Variants in MTERF4 observed in about 807,000 individuals in gnomAD.
MTERF4 encodes the protein mitochondrial transcription termination factor 4.
MTERF4 carries 17 observed loss-of-function variants against 22.5 expected under a neutral mutation model. The ratio of observed to expected loss-of-function variants is 0.75; its 90% CI spans 0.52 to 1.13. MTERF4 has a LOEUF of 1.13. Among genes scored for constraint, MTERF4 ranks in the 50% most tolerant of loss-of-function variants. The pLI, the probability that MTERF4 is intolerant of heterozygous loss-of-function variation, is 0.00. For missense variants in MTERF4, 420 were observed against 466.8 expected, an observed-to-expected ratio of 0.90 and a Z score of 0.92; for synonymous variants, 165 against 175.3, an observed-to-expected ratio of 0.94 and a Z score of 0.47.
chr2:241,059,805 A>G, the MTERF4 span, among the ~76,000 whole-genome samples: 1 of 152,206 alleles, frequency 6.6e-6, no homozygotes, highest in African/African-American at 2.4e-5. Flanking sequence ...AACCTCAGCT[A>G]CCAGTGTACT....
In MTERF4 at chr2:241,095,691, A is replaced by G; in HGVS notation, c.*307T>C. ...TATCACCAACATATTCAAAAGAGAA[A>G]AAAATAAAACCAATTGTTGATATAT... On this transcript the variant is annotated 3_prime_UTR_variant, in exon 4 of 4. Transcript: ENST00000391980. 1 of 340,148 alleles carries G rather than the reference A, an allele frequency of 2.9e-6. No homozygotes were observed. Among genetic ancestry groups the G allele is most frequent in the Non-Finnish European group, 5.3e-6 (1 of 187,706 alleles). 21.1% of individuals were successfully genotyped at this position (340,148 alleles called of 1,614,324 possible).
At chr2:241,074,115 C>T (rs2062889272) in exon 5 of MTERF4, 1 of 152,254 alleles carries the variant, frequency 6.6e-6, no homozygotes, top group South Asian at 2.1e-4. Flanking sequence ...TGGGATCACC[C>T]CTCAACCCAA....
At chr2:241,066,608 C>T in the MTERF4 span, among the ~76,000 whole-genome samples, 7 of 141,102 alleles carry the variant, frequency 5.0e-5, no homozygotes, top group South Asian at 2.3e-4. Context: ...AGAGCACAGA[C>T]TGCTGCGAAG....
At chr2:241,058,500 C>A in the MTERF4 span, among the ~76,000 whole-genome samples, 1 of 152,072 alleles carries the variant, frequency 6.6e-6, no homozygotes, top group African/African-American at 2.4e-5. Flanking sequence ...AAAATTAGTT[C>A]TTTGAAAAGC....
chr2:241,089,644 C>G (rs543269299), downstream of MTERF4, among the ~76,000 whole-genome samples: 84 of 152,208 alleles, frequency 5.5e-4, no homozygotes, highest in Non-Finnish European at 1.0e-3. Flanking sequence ...CTTCCCGCTC[C>G]CACCTCACCC....
downstream of MTERF4, chr2:241,071,751 C>T (rs535845918): frequency 1.7e-5 from 27 of 1,543,752 alleles, 1 homozygote; most frequent in African/African-American, 1.4e-4. Flanking sequence ...CCCCATCGCC[C>T]GAGGCGGCGC....
chr2:241,047,146 CAAAAAA>C, the MTERF4 span, among the ~76,000 whole-genome samples: 5 of 68,176 alleles, frequency 7.3e-5, no homozygotes, highest in South Asian at 4.7e-4. Flanking sequence ...GAGACTCTGT[CAAAAAA>C]AAAAAAAAAA....
downstream of MTERF4, chr2:241,088,509 G>C (rs886133312): frequency 2.2e-6 from 2 of 894,736 alleles, no homozygotes; most frequent in Non-Finnish European, 1.9e-6. Flanking sequence ...ACTCAGCACT[G>C]CTAAAGGAAG....
the MTERF4 span, chr2:241,049,860 C>T: frequency 1.2e-6 from 2 of 1,613,866 alleles, no homozygotes; most frequent in Non-Finnish European, 1.7e-6. Context: ...TCAACGGAGG[C>T]TCCTGCGATG....
At chr2:241,052,408 C>G in the MTERF4 span, 1 of 1,602,786 alleles carries the variant, frequency 6.2e-7, no homozygotes, top group Non-Finnish European at 8.5e-7. Context: ...CTGCGAGGAC[C>G]GGGACACGGA....
At chr2:241,090,490 T>C (rs1239001992), downstream of MTERF4, 5 of 1,499,292 alleles carry the variant, frequency 3.3e-6, no homozygotes, top group African/African-American at 2.8e-5. Flanking sequence ...CGTAAACCAG[T>C]AACATCACAA....
At chr2:241,079,597 CTGAA>C (rs1187544716) in intron 4 of MTERF4, among the ~76,000 whole-genome samples, 1 of 151,986 alleles carries the variant, frequency 6.6e-6, no homozygotes, top group African/African-American at 2.4e-5. Flanking sequence ...CGAGGCTTCT[CTGAA>C]TGAACCTTGT....
chr2:241,063,269 C>A, the MTERF4 span: 1 of 492,042 alleles, frequency 2.0e-6, no homozygotes, highest in East Asian at 3.8e-5. Context: ...GGGCTCTAAG[C>A]CTGAGAAACG....
rs1453705845 is a variant in MTERF4, at chr2:241,099,830, A to G, written c.86T>C (p.Leu29Pro). 6.2e-7 allele frequency: 1 copy of G among 1,614,102 alleles called. No homozygotes were observed. Among genetic ancestry groups the G allele is most frequent in the Non-Finnish European group, 8.5e-7 (1 of 1,180,044 alleles). The change falls in exon 2 of 4, where the codon CTT (leucine) becomes CCT (proline). Residue 29 changes from leucine to proline, a missense_variant. Leu to Pro is a moderately conservative substitution (Grantham distance 98, BLOSUM62 -3). Coordinates refer to ENST00000391980, the MANE Select transcript of MTERF4 (RefSeq NM_182501.4). ...WACMARQTPH[L>P]GEQRRTTASL... Reference sequence around the variant, plus strand: ...AGCTGTCGTCCTTCTCTGTTCTCCAAGATGAGGAGTCTGCCTAGCCATACA... The same window carrying G: ...AGCTGTCGTCCTTCTCTGTTCTCCAGGATGAGGAGTCTGCCTAGCCATACA...
At chr2:241,059,051 G>A in the MTERF4 span, among the ~76,000 whole-genome samples, 79 of 152,218 alleles carry the variant, frequency 5.2e-4, 1 homozygote, top group South Asian at 0.015. Flanking sequence ...ATCCTACCTC[G>A]TGTTTACAGT....
rs1328507799 is a variant in MTERF4, at chr2:241,073,382, G to A, written n.2780C>T. The A allele has an allele frequency of 1.3e-6, 2 of 1,550,950 alleles. No homozygotes were observed. Among genetic ancestry groups the A allele is most frequent in the Non-Finnish European group, 8.7e-7 (1 of 1,145,252 alleles). Reference sequence around the variant, plus strand: ...CATCGGAAGTGAGTCAGCAGCGCTGGTGGGGACTTTGGGACTGACTGACTG... The same window carrying A: ...CATCGGAAGTGAGTCAGCAGCGCTGATGGGGACTTTGGGACTGACTGACTG... On this transcript the variant is annotated non_coding_transcript_exon_variant, in exon 5 of 5. Coordinates refer to the MTERF4 transcript ENST00000464344. The surrounding 1 kb of genome is among the most constrained non-coding windows in gnomAD (Gnocchi z 6.6).
Position 241,095,790 on chromosome 2 carries a change from G to T in MTERF4, c.*208C>A. The T allele has an allele frequency of 1.2e-6, 1 of 868,388 alleles. No individual in the cohort carries two copies. Among genetic ancestry groups the T allele is most frequent in the Non-Finnish European group, 1.7e-6 (1 of 571,788 alleles). 53.8% of individuals were successfully genotyped at this position (868,388 alleles called of 1,614,324 possible). ...GGGACAGGGCCCTCCCCACAGACAC[G>T]TGACAACAGATCAAACATGCATTTC... On this transcript the variant is annotated 3_prime_UTR_variant, in exon 4 of 4. Transcript: ENST00000391980.
At chr2:241,098,433 A>T (rs2064553829) in intron 2 of MTERF4, among the ~76,000 whole-genome samples, 1 of 152,208 alleles carries the variant, frequency 6.6e-6, no homozygotes, top group Admixed American at 6.5e-5. Context: ...ATGCAAAGAA[A>T]TAATAGTGGA....
chr2:241,053,114 G>A, the MTERF4 span: 1 of 1,578,970 alleles, frequency 6.3e-7, no homozygotes, highest in Non-Finnish European at 8.6e-7. Context: ...GGGCCAGGAA[G>A]GCACAGGACC....
Sources: gnomAD v4.1 joint callset for allele counts (sites outside exome capture counted in the v4.1 genomes callset) on GRCh38, gnomAD v4.1.1 for gene constraint, Gnocchi (gnomAD v3.1) non-coding constraint, MANE v1.5 for transcripts, NCBI Gene and HGNC (gene_info 2026-07-23, HGNC 2026-07-21) for gene names.